Variants in PPP2R1B observed in about 807,000 individuals in gnomAD.
The protein encoded by PPP2R1B is protein phosphatase 2 scaffold subunit Abeta, also known as serine/threonine-protein phosphatase 2A 65 kDa regulatory subunit A beta isoform.
Under a neutral mutation model 72.7 loss-of-function variants are expected in PPP2R1B, and 58 were observed. The observed-to-expected ratio is 0.80, with a 90% CI of 0.65 to 0.99. The LOEUF is 0.99. Among genes scored for constraint, PPP2R1B ranks in the 50% least tolerant of loss-of-function variants. The pLI, the probability that PPP2R1B is intolerant of heterozygous loss-of-function variation, is 0.00. For missense variants in PPP2R1B, 695 were observed against 733.6 expected, an observed-to-expected ratio of 0.95 and a Z score of 0.61; for synonymous variants, 256 against 264.6, an observed-to-expected ratio of 0.97 and a Z score of 0.32.
exon 16 of PPP2R1B, chr11:111,726,967 A>C: frequency 6.2e-7 from 1 of 1,613,388 alleles, no homozygotes; most frequent in Non-Finnish European, 8.5e-7. Flanking sequence ...CTGGGGTATT[A>C]GTCTGTGCTT....
chr11:111,756,838 G>A (rs1412409119), intron 5 of PPP2R1B, among the ~76,000 whole-genome samples: 1 of 152,178 alleles, frequency 6.6e-6, no homozygotes, highest in Non-Finnish European at 1.5e-5. Context: ...GAGGGGCCAG[G>A]CACAGTGGCT....
chr11:111,724,931 C>T (rs993789155), downstream of PPP2R1B: 4 of 152,348 alleles, frequency 2.6e-5, no homozygotes, highest in Admixed American at 2.6e-4. Context: ...AGCACCAGCC[C>T]TGGGCCAGGG....
chr11:111,724,820 G>T (rs1943918748), downstream of PPP2R1B: 1 of 152,396 alleles, frequency 6.6e-6, no homozygotes, highest in Non-Finnish European at 1.5e-5. Context: ...GGGTTGCCGA[G>T]TGTCAGAATA....
chr11:111,765,783 AC>A (rs1555052856), intron 1 of PPP2R1B: 1 of 473,730 alleles, frequency 2.1e-6, no homozygotes, highest in South Asian at 1.5e-5. Flanking sequence ...CGGCCATCCC[AC>A]CCCCGCTTTC....
At chr11:111,716,891 AG>A in the PPP2R1B span, among the ~76,000 whole-genome samples, 8 of 152,326 alleles carry the variant, frequency 5.3e-5, no homozygotes, top group African/African-American at 1.9e-4. Flanking sequence ...CATCTGACAA[AG>A]GTCTAATATC....
chr11:111,759,300 T>A (rs1945238752), intron 5 of PPP2R1B, among the ~76,000 whole-genome samples: 1 of 152,234 alleles, frequency 6.6e-6, no homozygotes. Flanking sequence ...GTACTTCATT[T>A]GGATGTTTGC....
chr11:111,712,459 T>A, the PPP2R1B span: 5 of 1,422,766 alleles, frequency 3.5e-6, no homozygotes, highest in Non-Finnish European at 4.7e-6. Flanking sequence ...TTTGGCTTTA[T>A]TGAACTTTAT....
At chr11:111,731,712 G>A (rs548604620) in intron 15 of PPP2R1B, among the ~76,000 whole-genome samples, 2 of 152,318 alleles carry the variant, frequency 1.3e-5, no homozygotes, top group African/African-American at 2.4e-5. Context: ...TGGAAGGAGC[G>A]GAGCCCTCTC....
intron 9 of PPP2R1B, among the ~76,000 whole-genome samples, chr11:111,753,160 T>C (rs1285450618): frequency 6.6e-6 from 1 of 152,186 alleles, no homozygotes; most frequent in African/African-American, 2.4e-5. Flanking sequence ...TGAAACTTTT[T>C]AAACAAAGAC....
chr11:111,754,792 C>T (rs1179209108), intron 7 of PPP2R1B, among the ~76,000 whole-genome samples, 188 bp downstream of exon 7: 4 of 151,760 alleles, frequency 2.6e-5, no homozygotes, highest in African/African-American at 7.3e-5. Context: ...AAAAACAAGA[C>T]AAAATGATTT....
At chr11:111,722,860 A>C, downstream of PPP2R1B, 3 of 1,069,990 alleles carry the variant, frequency 2.8e-6, no homozygotes, top group South Asian at 4.4e-5. The surrounding 1 kb of genome is among the most constrained non-coding windows in gnomAD (Gnocchi z 4.4). Flanking sequence ...TACTAGGAAA[A>C]TAGGTTTTCT....
intron 5 of PPP2R1B, among the ~76,000 whole-genome samples, chr11:111,756,836 A>T (rs1332882679): frequency 1.3e-5 from 2 of 152,166 alleles, no homozygotes; most frequent in Non-Finnish European, 2.9e-5. Flanking sequence ...GTGAGGGGCC[A>T]GGCACAGTGG....
the PPP2R1B span, among the ~76,000 whole-genome samples, chr11:111,689,124 G>A: frequency 6.6e-6 from 1 of 152,150 alleles, no homozygotes; most frequent in Non-Finnish European, 1.5e-5. Flanking sequence ...GAATGTTGGG[G>A]AACTGTAAAT....
At chr11:111,727,149 C>G in intron 15 of PPP2R1B, 1 of 1,049,922 alleles carries the variant, frequency 9.5e-7, no homozygotes. Context: ...GCCCCCTCGC[C>G]ACCTCTGCCT....
chr11:111,759,466 C>T (rs1482840564), intron 5 of PPP2R1B, among the ~76,000 whole-genome samples: 1 of 152,152 alleles, frequency 6.6e-6, no homozygotes, highest in Non-Finnish European at 1.5e-5. Flanking sequence ...TCAAAAATTC[C>T]AGGAAACATT....
chr11:111,741,918 G>T, intron 14 of PPP2R1B, 135 bp downstream of exon 14: 1 of 863,084 alleles, frequency 1.2e-6, no homozygotes, highest in Non-Finnish European at 2.0e-6. Context: ...AGAGACACCA[G>T]CATTCCAGGA....
intron 7 of PPP2R1B, 72 bp downstream of exon 7, chr11:111,754,908 T>C: frequency 7.3e-7 from 1 of 1,367,288 alleles, no homozygotes; most frequent in Non-Finnish European, 1.0e-6. Flanking sequence ...ACAAAAAACA[T>C]GCAAAATTGA....
the PPP2R1B span, chr11:111,718,844 C>CG: frequency 1.3e-5 from 2 of 152,174 alleles, no homozygotes; most frequent in Non-Finnish European, 2.9e-5. Context: ...TTGATTTCCA[C>CG]GGGGGAATAG....
chr11:111,727,307 TTC>T, intron 15 of PPP2R1B: 2 of 516,336 alleles, frequency 3.9e-6, no homozygotes, highest in Non-Finnish European at 6.9e-6. Context: ...AGCAAACCCC[TTC>T]TCTCTTCCAT....
Sources: gnomAD v4.1 joint callset for allele counts (sites outside exome capture counted in the v4.1 genomes callset) on GRCh38, gnomAD v4.1.1 for gene constraint, Gnocchi (gnomAD v3.1) non-coding constraint, MANE v1.5 for transcripts, NCBI Gene and HGNC (gene_info 2026-07-23, HGNC 2026-07-21) for gene names.